SBNO1: variants seen among roughly 807,000 people sequenced by gnomAD.
The protein encoded by SBNO1 is strawberry notch homolog 1.
SBNO1 carries 23 observed loss-of-function variants against 173.6 expected under a neutral mutation model. The ratio of observed to expected loss-of-function variants is 0.13; its 90% confidence interval spans 0.10 to 0.19. The LOEUF is 0.19. SBNO1 is among the 10% of genes least tolerant of loss of function. SBNO1 has a pLI of 1.00. For missense variants in SBNO1, 1,238 were observed against 1,671.2 expected (o/e 0.74, Z 4.52); for synonymous variants, 632 against 571.5 (o/e 1.11, Z -1.51).
intron 23 of SBNO1, among the ~76,000 whole-genome samples, chr12:123,314,759 C>T (rs1307141407): frequency 6.6e-6 from 1 of 152,162 alleles, no homozygotes; most frequent in African/African-American, 2.4e-5. Flanking sequence ...ATGCATGCCA[C>T]CACGCCCATC....
chr12:123,311,708 CTATCTATCTATCTATATA>C (rs935762908), intron 24 of SBNO1, among the ~76,000 whole-genome samples: 2 of 62,314 alleles, frequency 3.2e-5, no homozygotes, highest in African/African-American at 1.2e-4. Context: ...ATCTATCTAT[CTATCTATCTATCTATATA>C]TATATATATA....
intron 1 of SBNO1, among the ~76,000 whole-genome samples, chr12:123,357,660 C>T (rs966169622): frequency 6.6e-6 from 1 of 152,028 alleles, no homozygotes; most frequent in Non-Finnish European, 1.5e-5. Context: ...GAGGCTGAGA[C>T]AGGAGAATAG....
intron 1 of SBNO1, among the ~76,000 whole-genome samples, chr12:123,356,596 C>G (rs899357687): frequency 6.6e-6 from 1 of 152,178 alleles, no homozygotes; most frequent in South Asian, 2.1e-4. Flanking sequence ...CGCGTGCCCC[C>G]ACACCCAGCT....
chr12:123,361,783 G>C lies in SBNO1; in HGVS notation c.-1+2918C>G, dbSNP rs949470292. Among the ~76,000 whole-genome samples the C allele has an allele frequency of 1.4e-4, 21 of 150,064 alleles. 1 individual carries two copies. The highest frequency in any genetic ancestry group is 1.5e-5 in the Non-Finnish European group (1 of 67,726). On this transcript the variant is annotated intron_variant, in intron 1 of 31. Coordinates refer to ENST00000602398, the MANE Select transcript of SBNO1 (RefSeq NM_001167856.3). The stretch of plus-strand genomic sequence containing the variant: ...TGACATATAACCGCATTCAATGAAT[G>C]AATGAATGAATAGTAGGCCACTAAC...
rs1213481053 is a variant in SBNO1, at chr12:123,338,911, C to T, written c.651+2077G>A. On this transcript the variant is annotated intron_variant, in intron 5 of 31. Transcript: ENST00000602398. ...ACACCCCGACACACACACACACACACGCCCCCCCCCCCCTCCCCGACTAGT... is the reference window on the plus strand; with the variant it reads ...ACACCCCGACACACACACACACACATGCCCCCCCCCCCCTCCCCGACTAGT... Among the ~76,000 whole-genome samples the T allele has an allele frequency of 1.9e-3, 7 of 3,734 alleles. No homozygotes were observed. In the South Asian group the frequency reaches 0.045, roughly 24 times the overall value. 2.4% of individuals were successfully genotyped at this position (3,734 alleles called of 152,430 possible). A position where few individuals can be genotyped will look rare whatever the true frequency, so the allele number is the denominator to read the frequency against.
chr12:123,323,728 A>T lies in SBNO1; in HGVS notation c.2077T>A (p.Ser693Thr), dbSNP rs749489332. The change falls in exon 16 of 32, where the codon TCG becomes ACG. Residue 693 changes from serine to threonine, a missense_variant. Around this residue, in one of 14 missense-constraint regions of SBNO1, gnomAD observed 81 missense variants for 82.6 expected, o/e 0.98. Transcript: ENST00000602398. ...IDLTAPSNNS[S>T]PRDSPCKENK... ...TCTTTACAAGGACTATCTCTTGGCG[A>T]ACTGTTGTTACTTGGAGCTGTCAAA... The T allele has an allele frequency of 9.9e-6, 16 of 1,612,422 alleles. No homozygotes were observed. Among genetic ancestry groups the T allele is most frequent in the Non-Finnish European group, 1.4e-5 (16 of 1,179,512 alleles).
At chr12:123,313,769 T>C (rs766786627) in intron 23 of SBNO1, 50 bp from the exon 24 acceptor site, 2 of 1,046,286 alleles carry the variant, frequency 1.9e-6, no homozygotes, top group Non-Finnish European at 1.5e-6. Flanking sequence ...TTGGATACTC[T>C]TCAATCACAT....
At chr12:123,335,646 G>A (rs751426650) in intron 6 of SBNO1, among the ~76,000 whole-genome samples, 6 of 152,184 alleles carry the variant, frequency 3.9e-5, no homozygotes, top group Non-Finnish European at 7.3e-5. Flanking sequence ...TGCTGCTGTA[G>A]TGTCAACGCA....
At chr12:123,320,291 G>A in intron 19 of SBNO1, 141 bp downstream of exon 19, 1 of 855,118 alleles carries the variant, frequency 1.2e-6, no homozygotes, top group Non-Finnish European at 1.8e-6. Flanking sequence ...CAGTTCATTG[G>A]ATGTAGGATG....
intron 30 of SBNO1, among the ~76,000 whole-genome samples, chr12:123,300,757 C>G (rs1199605551): frequency 6.6e-6 from 1 of 151,838 alleles, no homozygotes; most frequent in Non-Finnish European, 1.5e-5. Context: ...GTCAGGAGTT[C>G]GAGACCAGCT....
rs539591690 is a variant in SBNO1, at chr12:123,290,114, G to T, written c.*5794C>A. On this transcript the variant is annotated 3_prime_UTR_variant, in exon 32 of 32. Transcript: ENST00000602398. ...GCACTAAGGGGCAGTCTTGCTGGAC[G>T]GTGCCCTGCCACGTTGCGGCAGCCC... is the stretch of plus-strand genomic sequence containing the variant. The T allele has an allele frequency of 6.6e-5, 10 of 152,302 alleles. No homozygotes were observed. Among genetic ancestry groups the T allele is most frequent in the Middle Eastern group, 3.4e-3 (1 of 294 alleles). The allele number at this position is 152,302 out of a possible 1,614,324, so 9.4% of individuals were successfully genotyped here.
intron 1 of SBNO1, among the ~76,000 whole-genome samples, chr12:123,352,022 G>A (rs1363613560): frequency 6.6e-6 from 1 of 151,988 alleles, no homozygotes; most frequent in Non-Finnish European, 1.5e-5. Flanking sequence ...ATTTTAGTTT[G>A]GAAGTTTTTC....
Position 123,309,419 on chromosome 12 carries a change from G to T in SBNO1, c.3538-17C>A, listed in dbSNP as rs181941893. 1.2e-6 allele frequency: 2 copies of T among 1,609,344 alleles called. No homozygotes were observed. The highest frequency in any genetic ancestry group is 8.5e-7 in the Non-Finnish European group (1 of 1,175,796). On this transcript the variant is annotated splice_polypyrimidine_tract_variant and intron_variant, in intron 27 of 31. Coordinates refer to ENST00000602398, the MANE Select transcript of SBNO1 (RefSeq NM_001167856.3). ...TACACTAATCTGTAAGAGAAACAAC[G>T]AAATTTAAACTCATTTCTGTAAATG...
rs1303254668 is a variant in SBNO1, at chr12:123,294,629, G to A, written c.*1279C>T. On this transcript the variant is annotated 3_prime_UTR_variant, in exon 32 of 32. Coordinates refer to ENST00000602398, the MANE Select transcript of SBNO1 (RefSeq NM_001167856.3). ...TCGATTTTTCAATAGTGCAACCTGTGGAAGCAAAAAAAAAAAAAAAAAAAA... is the reference window on the plus strand; with the variant it reads ...TCGATTTTTCAATAGTGCAACCTGTAGAAGCAAAAAAAAAAAAAAAAAAAA... 3.9e-5 allele frequency: 3 copies of A among 77,916 alleles called. No homozygotes were observed. Among genetic ancestry groups the A allele is most frequent in the Non-Finnish European group, 6.5e-5 (3 of 46,016 alleles). 4.8% of individuals were successfully genotyped at this position (77,916 alleles called of 1,614,324 possible).
intron 1 of SBNO1, among the ~76,000 whole-genome samples, chr12:123,357,371 C>G (rs1015214344): frequency 1.3e-5 from 2 of 150,200 alleles, no homozygotes; most frequent in Non-Finnish European, 3.0e-5. Context: ...AACACCGGAA[C>G]CCAGGGGGTG....
At chr12:123,345,997 T>A (rs1019977129) in intron 3 of SBNO1, among the ~76,000 whole-genome samples, 3 of 152,202 alleles carry the variant, frequency 2.0e-5, no homozygotes, top group African/African-American at 7.2e-5. Flanking sequence ...TCTGATTTGA[T>A]TAGCTACAAA....
intron 5 of SBNO1, among the ~76,000 whole-genome samples, chr12:123,338,037 A>C (rs1872063517): frequency 6.6e-6 from 1 of 152,192 alleles, no homozygotes; most frequent in South Asian, 2.1e-4. Context: ...AATTTAGGTC[A>C]AAGAGATAAC....
chr12:123,314,140 A>G (rs1484856272), intron 23 of SBNO1, among the ~76,000 whole-genome samples: 1 of 152,056 alleles, frequency 6.6e-6, no homozygotes, highest in Non-Finnish European at 1.5e-5. Context: ...CAAAAAAGCA[A>G]TTCTCAATTA....
intron 20 of SBNO1, among the ~76,000 whole-genome samples, chr12:123,318,626 G>A (rs112398654): frequency 0.012 from 1,767 of 151,514 alleles, 25 homozygotes; most frequent in Non-Finnish European, 0.019. Context: ...CCAGCTACTC[G>A]GGAGGCTGAG....
Sources: allele counts gnomAD v4.1 joint callset (sites outside exome capture counted in the v4.1 genomes callset), GRCh38; gene constraint gnomAD v4.1.1; regional missense constraint gnomAD v4.1.1; transcripts MANE v1.5; gene names NCBI Gene and HGNC (gene_info 2026-07-23, HGNC 2026-07-21).